Variants in UBXN4 observed in about 807,000 individuals in gnomAD.
UBXN4 encodes UBX domain-containing protein 4.
A neutral mutation model predicts 66.2 loss-of-function variants in UBXN4; 35 were observed. The ratio of observed to expected loss-of-function variants is 0.53; its 90% CI spans 0.40 to 0.70. UBXN4 has a LOEUF of 0.70. Among genes scored for constraint, UBXN4 ranks in the 30% least tolerant of loss-of-function variants. The pLI, the probability that UBXN4 is intolerant of heterozygous loss-of-function variation, is 0.00. For synonymous variants in UBXN4, 203 were observed against 204.5 expected, an observed-to-expected ratio of 0.99 and a Z score of 0.06; for missense variants, 533 against 599.8, an observed-to-expected ratio of 0.89 and a Z score of 1.16.
intron 5 of UBXN4, among the ~76,000 whole-genome samples, chr2:135,758,859 A>G (rs937560920): frequency 6.6e-6 from 1 of 151,948 alleles, no homozygotes; most frequent in Non-Finnish European, 1.5e-5. Context: ...CCCAGGTTCA[A>G]GTGATTCTCC....
rs942911721 is a variant in UBXN4, at chr2:135,784,978, T to A, written c.*2091T>A. The stretch of plus-strand genomic sequence containing the variant: ...GAGGTAATCTATTAACAATTTCTTA[T>A]GTAATTTTCAGAAAATTTGTATGCG... On this transcript the variant is annotated 3_prime_UTR_variant, in exon 13 of 13. Coordinates refer to ENST00000272638, the MANE Select transcript of UBXN4 (RefSeq NM_014607.4). 6.6e-6 allele frequency: 1 copy of A among 152,410 alleles called. No homozygotes were observed. Among genetic ancestry groups the A allele is most frequent in the Non-Finnish European group, 1.5e-5 (1 of 68,042 alleles). The allele number at this position is 152,410 out of a possible 1,614,324, so 9.4% of individuals were successfully genotyped here.
chr2:135,770,650 TAACAA>T lies in UBXN4; in HGVS notation c.740_744del (p.Thr247LysfsTer14). On this transcript the variant is annotated frameshift_variant, in exon 8 of 13. Transcript: ENST00000272638. LOFTEE classifies it high-confidence loss of function. Reference sequence around the variant, plus strand: ...TATAAAAGAAAACAAGAAGAAGAATTAACAAAAAGAATGCTGGAGGAAAGAAACAG... The same window carrying T: ...TATAAAAGAAAACAAGAAGAAGAATTAAAGAATGCTGGAGGAAAGAAACAG... 6.3e-7 allele frequency: 1 copy of T among 1,575,038 alleles called. No homozygotes were observed.
chr2:135,747,667 CTG>C (rs952894295), intron 1 of UBXN4: 2 of 456,456 alleles, frequency 4.4e-6, no homozygotes, highest in African/African-American at 4.0e-5. Flanking sequence ...GACGGTCTCA[CTG>C]TGTCACCCAG....
chr2:135,746,767 A>G (rs1400421249), intron 1 of UBXN4, among the ~76,000 whole-genome samples: 1 of 152,234 alleles, frequency 6.6e-6, no homozygotes, highest in Non-Finnish European at 1.5e-5. Flanking sequence ...ATGAGGTCAC[A>G]GAGGTAGTTG....
intron 6 of UBXN4, among the ~76,000 whole-genome samples, chr2:135,768,494 G>A (rs1459427415): frequency 6.6e-6 from 1 of 151,598 alleles, no homozygotes; most frequent in Non-Finnish European, 1.5e-5. Context: ...ACCGTGCCTG[G>A]CCGATTTTAT....
chr2:135,742,253 CA>C (rs1431287287), intron 1 of UBXN4, among the ~76,000 whole-genome samples: 1 of 152,214 alleles, frequency 6.6e-6, no homozygotes, highest in African/African-American at 2.4e-5. Flanking sequence ...AGCCTTTCCT[CA>C]GTGTCTGCGA....
rs576153955 is a variant in UBXN4 at position 135,784,284 on chromosome 2, T to C, written c.*1397T>C. On this transcript the variant is annotated 3_prime_UTR_variant, in exon 13 of 13. Coordinates refer to ENST00000272638, the MANE Select transcript of UBXN4 (RefSeq NM_014607.4). ...CTGGAAACCAACTAAATGCCTTCTA[T>C]AGAAGTAATTTTTGATGAGGAGAAA... 1.4e-4 allele frequency: 21 copies of C among 152,318 alleles called. No individual in the cohort carries two copies. Among genetic ancestry groups the C allele is most frequent in the African/African-American group, 4.3e-4 (18 of 41,584 alleles). 9.4% of individuals were successfully genotyped at this position (152,318 alleles called of 1,614,324 possible). A position where few individuals can be genotyped will look rare whatever the true frequency, so the allele number is the denominator to read the frequency against.
In UBXN4 at chr2:135,755,430, A is replaced by G. The variant is rs2077273751; in HGVS notation, c.334-87A>G. ...TTTCGTATTTCTCTTTTTATAGAGTATAAATCAACCTGTATTTTGGTCTCT... is the reference window on the plus strand; with the variant it reads ...TTTCGTATTTCTCTTTTTATAGAGTGTAAATCAACCTGTATTTTGGTCTCT... On this transcript the variant is annotated intron_variant, in intron 4 of 12. Transcript: ENST00000272638. 1.2e-5 allele frequency: 13 copies of G among 1,049,154 alleles called. 1 individual carries two copies. The South Asian group carries it at 3.6e-4, about 29-fold the overall frequency. The allele number at this position is 1,049,154 out of a possible 1,614,324, so 65.0% of individuals were successfully genotyped here. A position where few individuals can be genotyped will look rare whatever the true frequency, so the allele number is the denominator to read the frequency against.
chr2:135,757,099 A>G (rs1366600264), intron 5 of UBXN4, among the ~76,000 whole-genome samples: 6 of 152,134 alleles, frequency 3.9e-5, no homozygotes, highest in Admixed American at 3.9e-4. Flanking sequence ...TGTGACTTTC[A>G]CCAAGTTTGG....
At chr2:135,778,538 AAATAC>A (rs1177915588) in intron 10 of UBXN4, among the ~76,000 whole-genome samples, 1 of 152,192 alleles carries the variant, frequency 6.6e-6, no homozygotes, top group Non-Finnish European at 1.5e-5. Flanking sequence ...TATATGAGGG[AAATAC>A]TGGTCTAGTC....
chr2:135,761,269 G>T (rs1370189710), intron 5 of UBXN4, among the ~76,000 whole-genome samples: 2 of 152,186 alleles, frequency 1.3e-5, no homozygotes, highest in East Asian at 3.8e-4. Context: ...AGCATAAAGA[G>T]GCTCTCTAAG....
chr2:135,755,160 G>A (rs1480708818), intron 4 of UBXN4, among the ~76,000 whole-genome samples: 1 of 152,166 alleles, frequency 6.6e-6, no homozygotes, highest in African/African-American at 2.4e-5. Flanking sequence ...TCATATTAAG[G>A]CTCTAACTAT....
At chr2:135,743,008 C>T (rs1295777241) in intron 1 of UBXN4, among the ~76,000 whole-genome samples, 1 of 152,168 alleles carries the variant, frequency 6.6e-6, no homozygotes, top group African/African-American at 2.4e-5. Flanking sequence ...GAACTCCCTG[C>T]CTCTACGGTT....
chr2:135,765,641 T>A (rs1250346315), intron 6 of UBXN4, among the ~76,000 whole-genome samples: 1 of 151,282 alleles, frequency 6.6e-6, no homozygotes, highest in Non-Finnish European at 1.5e-5. Context: ...CATCTTTTAA[T>A]TTTTTTCTTT....
chr2:135,770,143 T>C (rs944010176), intron 7 of UBXN4, among the ~76,000 whole-genome samples: 1 of 152,216 alleles, frequency 6.6e-6, no homozygotes, highest in African/African-American at 2.4e-5. Context: ...TGAAAAAATG[T>C]ATAGACATTT....
intron 8 of UBXN4, among the ~76,000 whole-genome samples, chr2:135,771,205 T>C (rs1242562780): frequency 1.3e-5 from 2 of 152,086 alleles, no homozygotes; most frequent in African/African-American, 4.8e-5. Context: ...TCCCGCCAGG[T>C]GTGGCTCACG....
intron 8 of UBXN4, 111 bp downstream of exon 8, chr2:135,770,846 C>A: frequency 4.0e-6 from 4 of 1,008,942 alleles, no homozygotes; most frequent in Non-Finnish European, 3.9e-6. Context: ...CATAGACTAC[C>A]AATCCTGAGC....
At position 135,782,806 on chromosome 2, in the gene UBXN4, G is replaced by T. The variant is rs1027927914; in HGVS notation, c.1446G>T (p.Gly482=). 4 of 1,613,826 alleles carry T rather than the reference G, an allele frequency of 2.5e-6. No individual in the cohort carries two copies. In the African/African-American group the frequency reaches 5.3e-5, roughly 22 times the overall value. Residue 482 remains glycine, a synonymous_variant, in exon 13 of 13, where the codon GGG becomes GGT. Coordinates refer to ENST00000272638, the MANE Select transcript of UBXN4 (RefSeq NM_014607.4). The part of the protein sequence containing the change: ...EKRGDDFKKE[G]KIYRLRTQDD... ...GTGGAGACGACTTTAAAAAGGAGGG[G>T]AAAATTTATAGATTAAGGACTCAAG... is the stretch of plus-strand genomic sequence containing the variant.
intron 9 of UBXN4, among the ~76,000 whole-genome samples, chr2:135,772,928 G>A (rs534116001): frequency 8.6e-5 from 13 of 151,452 alleles, no homozygotes; most frequent in African/African-American, 2.7e-4. Flanking sequence ...TCCCAGCTAC[G>A]CGGGAGGCTG....
Sources: gnomAD v4.1 joint callset for allele counts (sites outside exome capture counted in the v4.1 genomes callset) on GRCh38, gnomAD v4.1.1 for gene constraint, MANE v1.5 for transcripts, NCBI Gene and HGNC (gene_info 2026-07-23, HGNC 2026-07-21) for gene names.